Variants in CHCHD3 observed in about 807,000 individuals in gnomAD.
CHCHD3 encodes coiled-coil-helix-coiled-coil-helix domain containing 3.
CHCHD3 carries 20 observed loss-of-function variants against 38.2 expected under a neutral mutation model. The ratio of observed to expected loss-of-function variants is 0.52; its 90% CI spans 0.37 to 0.76. CHCHD3 has a LOEUF of 0.76. Ranked by LOEUF, CHCHD3 falls within the 30% of genes least tolerant of loss-of-function variation. CHCHD3 has a pLI of 0.00. For synonymous variants in CHCHD3, 82 were observed against 100.0 expected, an observed-to-expected ratio of 0.82 and a Z score of 1.07; for missense variants, 245 against 279.2, an observed-to-expected ratio of 0.88 and a Z score of 0.87.
chr7:132,887,865 A>AT (rs1385941930), intron 4 of CHCHD3, among the ~76,000 whole-genome samples: 2 of 151,922 alleles, frequency 1.3e-5, no homozygotes, highest in African/African-American at 4.8e-5. Flanking sequence ...TGGTATACCC[A>AT]TTTTATAAAT....
intron 6 of CHCHD3, among the ~76,000 whole-genome samples, chr7:132,817,850 C>A (rs1162962556): frequency 6.6e-6 from 1 of 150,958 alleles, no homozygotes; most frequent in African/African-American, 2.4e-5. Context: ...TATGATCATG[C>A]CACTGTATTC....
intron 6 of CHCHD3, among the ~76,000 whole-genome samples, chr7:132,823,280 A>G (rs1049913649): frequency 6.6e-6 from 1 of 152,236 alleles, no homozygotes; most frequent in Non-Finnish European, 1.5e-5. Context: ...ACATTCTAAG[A>G]TATCTAGTGG....
At chr7:133,015,710 C>T (rs1584644833) in intron 3 of CHCHD3, among the ~76,000 whole-genome samples, 1 of 152,244 alleles carries the variant, frequency 6.6e-6, no homozygotes, top group Non-Finnish European at 1.5e-5. Flanking sequence ...AAATCCGAGC[C>T]CCACCACTTA....
chr7:132,903,885 C>G (rs1415984049), intron 4 of CHCHD3, among the ~76,000 whole-genome samples: 1 of 152,160 alleles, frequency 6.6e-6, no homozygotes, highest in Non-Finnish European at 1.5e-5. Context: ...TTTTAAACTG[C>G]ATGTGAGTAT....
At chr7:132,901,776 T>A (rs746140261) in intron 4 of CHCHD3, among the ~76,000 whole-genome samples, 19 of 152,236 alleles carry the variant, frequency 1.2e-4, no homozygotes, top group Non-Finnish European at 2.1e-4. Flanking sequence ...GCCTGTTCAC[T>A]CTGATGACAG....
At chr7:132,900,324 CA>C (rs1215147485) in intron 4 of CHCHD3, among the ~76,000 whole-genome samples, 1 of 47,108 alleles carries the variant, frequency 2.1e-5, no homozygotes, top group Non-Finnish European at 4.4e-5. Flanking sequence ...CTCAACTGCC[CA>C]AGGTGATGGA....
intron 2 of CHCHD3, among the ~76,000 whole-genome samples, chr7:133,068,374 G>A (rs1814730509): frequency 6.6e-6 from 1 of 152,168 alleles, no homozygotes; most frequent in Admixed American, 6.5e-5. Context: ...TTCTAGTGAA[G>A]ATAGCAGTCA....
At chr7:133,041,495 C>G (rs1813834254) in intron 2 of CHCHD3, among the ~76,000 whole-genome samples, 1 of 152,140 alleles carries the variant, frequency 6.6e-6, no homozygotes, top group African/African-American at 2.4e-5. Flanking sequence ...GGCAAGCTAA[C>G]CTTTAATGAA....
intron 2 of CHCHD3, among the ~76,000 whole-genome samples, chr7:133,052,674 T>A (rs1018123735): frequency 6.6e-6 from 1 of 152,340 alleles, no homozygotes; most frequent in South Asian, 2.1e-4. Context: ...TTTGTATGTA[T>A]ACAAATGTTT....
At chr7:132,957,499 T>C (rs2117299678) in intron 4 of CHCHD3, among the ~76,000 whole-genome samples, 1 of 152,240 alleles carries the variant, frequency 6.6e-6, no homozygotes, top group East Asian at 1.9e-4. Flanking sequence ...TTCTTTTTTT[T>C]TGAGACAGAG....
rs1181112615 is a variant in CHCHD3, at chr7:133,030,750, G to A, written c.170-6123C>T. ...AAACCATTTTAATTTCTTTCTCAAT[G>A]GTGAATGTATCTTAAAGAACACAAA... On this transcript the variant is annotated intron_variant, in intron 2 of 7. Transcript: ENST00000262570. Among the ~76,000 whole-genome samples the A allele has an allele frequency of 2.6e-5, 4 of 152,000 alleles. No individual in the cohort carries two copies. The East Asian group carries it at 7.7e-4, about 29-fold the overall frequency.
At chr7:132,805,608 T>C (rs956641115) in intron 6 of CHCHD3, among the ~76,000 whole-genome samples, 81 of 152,216 alleles carry the variant, frequency 5.3e-4, no homozygotes, top group East Asian at 1.9e-4. Flanking sequence ...GCCACTGGCC[T>C]TTCTAAATGA....
intron 5 of CHCHD3, among the ~76,000 whole-genome samples, chr7:132,871,439 T>G (rs909933422): frequency 2.6e-4 from 39 of 152,184 alleles, no homozygotes; most frequent in African/African-American, 8.9e-4. Context: ...GTTCACAATT[T>G]ATTATGGGTT....
At chr7:132,834,634 G>T (rs1331116929) in intron 6 of CHCHD3, among the ~76,000 whole-genome samples, 1 of 152,126 alleles carries the variant, frequency 6.6e-6, no homozygotes, top group Admixed American at 6.5e-5. Flanking sequence ...CTCAGTTATG[G>T]TTTACTATAG....
chr7:132,829,838 T>C (rs1293063188), intron 6 of CHCHD3, among the ~76,000 whole-genome samples: 2 of 152,208 alleles, frequency 1.3e-5, no homozygotes, highest in Non-Finnish European at 2.9e-5. Flanking sequence ...AAATTAACAA[T>C]ACTCTCTTGT....
chr7:132,835,631 A>C (rs965235319), intron 6 of CHCHD3, among the ~76,000 whole-genome samples: 2 of 152,102 alleles, frequency 1.3e-5, no homozygotes, highest in African/African-American at 4.8e-5. Context: ...TAAAATCCAG[A>C]CCTATCTTTC....
In CHCHD3 at chr7:132,842,053, G is replaced by A. The variant is rs184605790; in HGVS notation, c.454-3584C>T. Among the ~76,000 whole-genome samples, 475 of 152,006 alleles carry A rather than the reference G, an allele frequency of 3.1e-3. 2 individuals are homozygous for A. The highest frequency in any genetic ancestry group is 5.3e-3 in the Non-Finnish European group (363 of 67,972). On this transcript the variant is annotated intron_variant, in intron 5 of 7. Coordinates refer to ENST00000262570, the MANE Select transcript of CHCHD3 (RefSeq NM_017812.4). ...GTGGAGGTTGCAGTGAGCCAAGATC[G>A]CGCCATTGCATTCCAGCCTGGGCGA...
intron 5 of CHCHD3, among the ~76,000 whole-genome samples, chr7:132,857,225 TC>T (rs1808363246): frequency 6.6e-6 from 1 of 152,216 alleles, no homozygotes; most frequent in South Asian, 2.1e-4. Flanking sequence ...AGAGAGGCTG[TC>T]TTATTAAATC....
chr7:132,851,756 G>A (rs1808223702), intron 5 of CHCHD3, among the ~76,000 whole-genome samples: 1 of 152,208 alleles, frequency 6.6e-6, no homozygotes, highest in South Asian at 2.1e-4. Context: ...TCACTCTCCA[G>A]GTCATAAGTT....
Sources: gnomAD v4.1 joint callset for allele counts (sites outside exome capture counted in the v4.1 genomes callset) on GRCh38, gnomAD v4.1.1 for gene constraint, MANE v1.5 for transcripts, NCBI Gene and HGNC (gene_info 2026-07-23, HGNC 2026-07-21) for gene names.